Variants in FCRL1 observed in about 807,000 individuals in gnomAD.
FCRL1 encodes Fc receptor-like protein 1.
In FCRL1, 34 loss-of-function variants were observed where a neutral mutation model predicts 49.2. That is an observed-to-expected ratio of 0.69 (90% CI 0.53 to 0.92). The LOEUF is 0.92. FCRL1 is among the 40% of genes least tolerant of loss of function. The probability of loss-of-function intolerance (pLI) is 0.00; values close to 1 mark genes in which losing one functional copy is unlikely to be tolerated. For missense variants in FCRL1, 524 were observed against 524.1 expected (o/e 1.00, Z 0.00); for synonymous variants, 218 against 201.6 (o/e 1.08, Z -0.69).
chr1:157,798,121 G>A (rs1418505987), intron 8 of FCRL1, 40 bp downstream of exon 8: 1 of 1,582,184 alleles, frequency 6.3e-7, no homozygotes, highest in Non-Finnish European at 8.7e-7. Context: ...TCCCTAGCTT[G>A]CTGTACCATC....
In FCRL1 at chr1:157,804,030, C is replaced by A. The variant is rs768487395; in HGVS notation, c.134G>T (p.Ser45Ile). The change falls in exon 3 of 11, where the codon AGT (serine) becomes ATT (isoleucine). Residue 45 changes from serine to isoleucine, a missense_variant. Ser to Ile is a moderately radical substitution (Grantham distance 142). Coordinates refer to ENST00000368176, the MANE Select transcript of FCRL1 (RefSeq NM_052938.5). The stretch of plus-strand genomic sequence containing the variant: ...GCAGAACTGGAACTGGGCATCTGAA[C>A]TCTGTAGAAAGGGCATCTTACACGT... Reference protein sequence around the residue: ...TLTCKMPFLQSSDAQFQFCFF... With the variant: ...TLTCKMPFLQISDAQFQFCFF... The A allele has an allele frequency of 6.2e-7, 1 of 1,614,214 alleles. No individual in the cohort carries two copies. The highest frequency in any genetic ancestry group is 1.1e-5 in the South Asian group (1 of 91,084).
At chr1:157,799,661 G>A (rs1187914174) in intron 7 of FCRL1, among the ~76,000 whole-genome samples, 1 of 152,012 alleles carries the variant, frequency 6.6e-6, no homozygotes, top group Non-Finnish European at 1.5e-5. Flanking sequence ...GGAGGAGGGA[G>A]GGATAGCATT....
At chr1:157,800,415 C>A (rs1349834258) in intron 6 of FCRL1, among the ~76,000 whole-genome samples, 2 of 152,138 alleles carry the variant, frequency 1.3e-5, no homozygotes, top group South Asian at 4.1e-4. Flanking sequence ...TGACAAAAGT[C>A]CTTGGAGGCA....
rs755058338 is a variant in FCRL1, at chr1:157,820,079, A to G, written c.-42T>C. ...ATGGTACCTAGAGATGCCTCTCATC[A>G]AAAAAAGAATGCACCTCAGAGTCGA... On this transcript the variant is annotated 5_prime_UTR_variant, in exon 1 of 11. Transcript: ENST00000368176. 6.2e-7 allele frequency: 1 copy of G among 1,610,740 alleles called. No homozygotes were observed. The highest frequency in any genetic ancestry group is 1.1e-5 in the South Asian group (1 of 90,930).
chr1:157,812,069 C>T (rs987520041), intron 1 of FCRL1, among the ~76,000 whole-genome samples: 1 of 152,212 alleles, frequency 6.6e-6, no homozygotes, highest in African/African-American at 2.4e-5. Flanking sequence ...GAAGCCACAG[C>T]TGAGCCAGCA....
chr1:157,797,183 T>C (rs1161405186), intron 9 of FCRL1, 51 bp from the exon 10 acceptor site: 1 of 1,556,852 alleles, frequency 6.4e-7, no homozygotes, highest in Non-Finnish European at 8.9e-7. Context: ...TTAAAGTCCT[T>C]CACTAAACTT....
rs1651410760 is a variant in FCRL1 at position 157,796,039 on chromosome 1, A to G, written c.*60T>C. 2 of 1,374,976 alleles carry G rather than the reference A, an allele frequency of 1.5e-6. No individual in the cohort carries two copies. The highest frequency in any genetic ancestry group is 1.4e-5 in the African/African-American group (1 of 70,252). The allele number at this position is 1,374,976 out of a possible 1,614,324, so 85.2% of individuals were successfully genotyped here. On this transcript the variant is annotated 3_prime_UTR_variant, in exon 11 of 11. Transcript: ENST00000368176. ...TAATGCCCCAGGATCTCTGAAGAAC[A>G]TATCAGGCCTGAGGCTTGGGGTCAT...
At position 157,803,828 on chromosome 1, in the gene FCRL1, A is replaced by G. The variant is rs774421443; in HGVS notation, c.319+17T>C. ...CTTCTCAGCCTATCCTGGCAGACTG[A>G]CCCCACTGACACTCACTGTGCACAT... is the stretch of plus-strand genomic sequence containing the variant. On this transcript the variant is annotated intron_variant, in intron 3 of 10. Coordinates refer to ENST00000368176, the MANE Select transcript of FCRL1 (RefSeq NM_052938.5). 2 of 1,610,080 alleles carry G rather than the reference A, an allele frequency of 1.2e-6. No individual in the cohort carries two copies. Among genetic ancestry groups the G allele is most frequent in the Non-Finnish European group, 8.5e-7 (1 of 1,177,044 alleles).
rs575943419 is a variant in FCRL1, at chr1:157,812,525, C to G, written c.32-5403G>C. 6.6e-5 allele frequency among the ~76,000 whole-genome samples: 10 copies of G among 152,246 alleles called. No individual in the cohort carries two copies. In the South Asian group the frequency reaches 1.5e-3, roughly 22 times the overall value. On this transcript the variant is annotated intron_variant, in intron 1 of 10. Coordinates refer to ENST00000368176, the MANE Select transcript of FCRL1 (RefSeq NM_052938.5). ...TGTGATCTGCTTCCCAGTATCTGAGCCTTTGGAAAGCCCTTTATCCTTAGA... is the reference window on the plus strand; with the variant it reads ...TGTGATCTGCTTCCCAGTATCTGAGGCTTTGGAAAGCCCTTTATCCTTAGA...
At chr1:157,808,908 C>A (rs994290856) in intron 1 of FCRL1, among the ~76,000 whole-genome samples, 1 of 151,978 alleles carries the variant, frequency 6.6e-6, no homozygotes, top group African/African-American at 2.4e-5. Context: ...GATTTTTGGC[C>A]ACAGCAACTG....
intron 2 of FCRL1, 140 bp from the exon 3 acceptor site, chr1:157,804,251 C>A (rs1030483340): frequency 8.4e-5 from 82 of 974,838 alleles, no homozygotes; most frequent in South Asian, 3.6e-4. Flanking sequence ...TCTCCACCCC[C>A]CCCCCAGTGG....
intron 1 of FCRL1, among the ~76,000 whole-genome samples, chr1:157,814,133 C>G (rs1217014152): frequency 6.6e-6 from 1 of 152,072 alleles, no homozygotes; most frequent in East Asian, 1.9e-4. Flanking sequence ...TCCACGAAAA[C>G]ATGTGAAAGT....
At chr1:157,813,052 C>T (rs1654542964) in intron 1 of FCRL1, among the ~76,000 whole-genome samples, 1 of 152,136 alleles carries the variant, frequency 6.6e-6, no homozygotes. Context: ...TGGAACCAAA[C>T]CAATGAAACT....
chr1:157,802,275 A>G, intron 4 of FCRL1, 82 bp from the exon 5 acceptor site: 1 of 1,576,788 alleles, frequency 6.3e-7, no homozygotes, highest in South Asian at 1.2e-5. Context: ...GCTCAGCCCC[A>G]TTGAACTTCC....
At chr1:157,807,149 T>C (rs762628238) in intron 1 of FCRL1, 27 bp from the exon 2 acceptor site, 1 of 1,608,892 alleles carries the variant, frequency 6.2e-7, no homozygotes, top group East Asian at 2.2e-5. Flanking sequence ...CAGAGATCAG[T>C]ACAGAGCAGC....
chr1:157,797,234 G>T, intron 9 of FCRL1, 102 bp from the exon 10 acceptor site: 1 of 1,102,910 alleles, frequency 9.1e-7, no homozygotes, highest in Non-Finnish European at 1.4e-6. Context: ...TATTTCCCAT[G>T]AATTGATTTC....
In FCRL1 at chr1:157,818,262, T is replaced by C. The variant is rs76005673; in HGVS notation, c.31+1745A>G. 5.8e-3 allele frequency among the ~76,000 whole-genome samples: 887 copies of C among 152,144 alleles called. 7 individuals are homozygous for C. Among genetic ancestry groups the C allele is most frequent in the Non-Finnish European group, 9.6e-3 (651 of 67,982 alleles). ...AAGACAGCATCAATGTAGATGTTCA[T>C]CAAAAAATTAATGGATAAAGAAAAT... On this transcript the variant is annotated intron_variant, in intron 1 of 10. Coordinates refer to ENST00000368176, the MANE Select transcript of FCRL1 (RefSeq NM_052938.5).
intron 2 of FCRL1, 146 bp downstream of exon 2, chr1:157,806,956 C>T (rs1033223361): frequency 1.4e-5 from 11 of 782,986 alleles, no homozygotes; most frequent in African/African-American, 1.4e-4. Context: ...AAGGGAGCCA[C>T]TGATGTTTGT....
intron 7 of FCRL1, among the ~76,000 whole-genome samples, chr1:157,799,086 C>T (rs1652010349): frequency 1.3e-5 from 2 of 152,148 alleles, no homozygotes; most frequent in South Asian, 4.1e-4. Context: ...CTGCAACCTC[C>T]ACCTCTCGAA....
Sources: gnomAD v4.1 joint callset for allele counts (sites outside exome capture counted in the v4.1 genomes callset) on GRCh38, gnomAD v4.1.1 for gene constraint, MANE v1.5 for transcripts, NCBI Gene and HGNC (gene_info 2026-07-23, HGNC 2026-07-21) for gene names.